Variants in SYTL5 observed in about 807,000 individuals in gnomAD.
The protein encoded by SYTL5 is synaptotagmin like 5.
A neutral mutation model predicts 55.9 loss-of-function variants in SYTL5; 34 were observed. That is an observed-to-expected ratio of 0.61 (90% CI 0.46 to 0.81). The LOEUF (loss-of-function observed/expected upper bound fraction) is 0.81. Ranked by LOEUF, SYTL5 falls within the 30% of genes least tolerant of loss-of-function variation. The pLI is 0.00. For missense variants in SYTL5, 637 were observed against 546.7 expected, an observed-to-expected ratio of 1.17 and a Z score of -1.65; for synonymous variants, 221 against 188.7, an observed-to-expected ratio of 1.17 and a Z score of -1.40.
chrX:38,015,859 G>T lies in SYTL5; in HGVS notation c.-357+9191G>T, dbSNP rs376643333. ...TAGGAGTCTTGAATGAACTTCAAAT[G>T]ATTTGTGAACTTTTTCTAGGATCCA... On this transcript the variant is annotated intron_variant, in intron 1 of 16. Transcript: ENST00000297875. Among the ~76,000 whole-genome samples, 11 of 111,182 alleles carry T rather than the reference G, an allele frequency of 9.9e-5. No homozygotes were observed. In the East Asian group the frequency reaches 1.7e-3, roughly 17 times the overall value.
intron 16 of SYTL5, 119 bp from the exon 17 acceptor site, chrX:38,126,469 G>A: frequency 1.5e-6 from 1 of 686,055 alleles, no homozygotes; most frequent in East Asian, 3.4e-5. Flanking sequence ...TATACTAAGT[G>A]AGAACAAGCC....
At chrX:38,000,822 G>C in the SYTL5 span, among the ~76,000 whole-genome samples, 1 of 111,409 alleles carries the variant, frequency 9.0e-6, no homozygotes, top group Non-Finnish European at 1.9e-5. Flanking sequence ...TTTTCCCCTG[G>C]ATCCAGGCCC....
chrX:37,914,263 G>T, the SYTL5 span, among the ~76,000 whole-genome samples: 2 of 111,192 alleles, frequency 1.8e-5, no homozygotes, highest in Non-Finnish European at 3.8e-5. Flanking sequence ...ATGTGAAGCA[G>T]GAACTCTCCT....
At chrX:37,989,525 G>C in the SYTL5 span, among the ~76,000 whole-genome samples, 1 of 111,915 alleles carries the variant, frequency 8.9e-6, no homozygotes, top group Admixed American at 9.4e-5. Context: ...CCCAGGTGAA[G>C]TCATAGGATC....
At chrX:38,037,457 G>T (rs1935138384) in intron 2 of SYTL5, among the ~76,000 whole-genome samples, 1 of 112,139 alleles carries the variant, frequency 8.9e-6, no homozygotes, top group African/African-American at 3.2e-5. Flanking sequence ...ATTTAGTAAA[G>T]TTCGTTTCAG....
intron 7 of SYTL5, among the ~76,000 whole-genome samples, chrX:38,091,404 A>G (rs902939007): frequency 8.9e-6 from 1 of 112,425 alleles, no homozygotes; most frequent in Non-Finnish European, 1.9e-5. Context: ...AGAAAGGTGC[A>G]TGGATAGTTG....
chrX:38,062,518 T>C (rs1935982449), intron 3 of SYTL5, among the ~76,000 whole-genome samples: 1 of 111,708 alleles, frequency 9.0e-6, no homozygotes, highest in Non-Finnish European at 1.9e-5. Context: ...TACTGATGGA[T>C]GGAACATACA....
the SYTL5 span, among the ~76,000 whole-genome samples, chrX:37,955,140 A>T: frequency 9.0e-6 from 1 of 110,916 alleles, no homozygotes; most frequent in Non-Finnish European, 1.9e-5. Context: ...ATACCTCACA[A>T]TGTGGTTATA....
the SYTL5 span, among the ~76,000 whole-genome samples, chrX:37,916,392 A>G: frequency 2.7e-5 from 3 of 112,741 alleles, no homozygotes; most frequent in African/African-American, 9.7e-5. Flanking sequence ...TGACTTCTCC[A>G]TAAATTAAAA....
At chrX:37,909,482 A>AT in the SYTL5 span, among the ~76,000 whole-genome samples, 76 of 104,251 alleles carry the variant, frequency 7.3e-4, no homozygotes, top group East Asian at 3.0e-3. Context: ...TTTTTTTTCA[A>AT]TTTTTTTTTT....
Position 38,037,157 on chromosome X carries a change from A to G in SYTL5, c.119+3149A>G, listed in dbSNP as rs138020002. On this transcript the variant is annotated intron_variant, in intron 2 of 16. Transcript: ENST00000297875. ...ACTTGAGTGTTAACTGGGTAGCCCA[A>G]AGCCAATGGTTGACGGGTACAGAAA... Among the ~76,000 whole-genome samples the G allele has an allele frequency of 6.9e-3, 777 of 112,089 alleles. 26 individuals are homozygous for G. Among genetic ancestry groups the G allele is most frequent in the Admixed American group, 0.061 (646 of 10,564 alleles).
At chrX:37,909,671 T>C in the SYTL5 span, among the ~76,000 whole-genome samples, 2 of 107,331 alleles carry the variant, frequency 1.9e-5, no homozygotes, top group African/African-American at 3.5e-5. Context: ...TTGTTTGTTT[T>C]CTGTTTTTAT....
chrX:38,090,696 A>C (rs1186181293), intron 7 of SYTL5, among the ~76,000 whole-genome samples: 1 of 112,551 alleles, frequency 8.9e-6, no homozygotes, highest in Non-Finnish European at 1.9e-5. Context: ...AAGAATTAGC[A>C]ATGTAGTTTT....
intron 6 of SYTL5, among the ~76,000 whole-genome samples, chrX:38,087,949 C>A (rs964639933): frequency 3.6e-5 from 4 of 111,355 alleles, no homozygotes; most frequent in African/African-American, 1.3e-4. Context: ...GAATAATTAA[C>A]CTCTCCAATA....
In SYTL5 at chrX:38,072,232, T is replaced by C. The variant is rs1936285612; in HGVS notation, c.445+70T>C. The C allele has an allele frequency of 3.8e-6, 3 of 797,574 alleles. No individual in the cohort carries two copies. In the East Asian group the frequency reaches 9.6e-5, roughly 26 times the overall value. The allele number at this position is 797,574 out of a possible 1,213,427, so 65.7% of individuals were successfully genotyped here. On this transcript the variant is annotated intron_variant, in intron 4 of 16. Coordinates refer to ENST00000297875, the MANE Select transcript of SYTL5 (RefSeq NM_138780.3). The stretch of plus-strand genomic sequence containing the variant: ...TTTGGCTAACTAAATAACTTCTCTA[T>C]GTTATGTAGTTAATCAGCATAAATG...
At chrX:37,947,028 C>T in the SYTL5 span, among the ~76,000 whole-genome samples, 2 of 110,974 alleles carry the variant, frequency 1.8e-5, no homozygotes, top group Non-Finnish European at 1.9e-5. Flanking sequence ...TTGCCTTACT[C>T]TCTCTCTTGC....
the SYTL5 span, among the ~76,000 whole-genome samples, chrX:37,990,092 T>C: frequency 9.1e-6 from 1 of 110,354 alleles, no homozygotes; most frequent in African/African-American, 3.3e-5. Context: ...AACTGTGGTC[T>C]CGATCTCCTG....
intron 14 of SYTL5, 49 bp downstream of exon 14, chrX:38,120,515 G>C (rs757929749): frequency 1.1e-5 from 10 of 943,612 alleles, no homozygotes; most frequent in Non-Finnish European, 1.5e-5. Flanking sequence ...GTTTCTAGAA[G>C]TGTGGTAGTG....
chrX:38,071,694 T>A (rs1936269148), intron 3 of SYTL5, among the ~76,000 whole-genome samples: 1 of 111,587 alleles, frequency 9.0e-6, no homozygotes, highest in African/African-American at 3.3e-5. Context: ...GAGCCCCAGG[T>A]CAGACTTATT....
Sources: allele counts gnomAD v4.1 joint callset (sites outside exome capture counted in the v4.1 genomes callset), GRCh38; gene constraint gnomAD v4.1.1; transcripts MANE v1.5; gene names NCBI Gene and HGNC (gene_info 2026-07-23, HGNC 2026-07-21).